The following DAB1 variants were observed in gnomAD, a reference collection of about 807,000 sequenced individuals.
The protein encoded by DAB1 is disabled homolog 1.
DAB1 carries 15 observed loss-of-function variants against 64.6 expected under a neutral mutation model. The observed-to-expected ratio is 0.23, with a 90% CI of 0.16 to 0.36. The LOEUF (loss-of-function observed/expected upper bound fraction) is 0.36. DAB1 is among the 10% of genes least tolerant of loss of function. DAB1 has a pLI of 1.00. For synonymous variants in DAB1, 235 were observed against 251.9 expected (o/e 0.93, Z 0.64); for missense variants, 596 against 706.7 (o/e 0.84, Z 1.78).
chr1:57,643,863 G>T (rs1646160345), intron 7 of DAB1, among the ~76,000 whole-genome samples: 1 of 152,292 alleles, frequency 6.6e-6, no homozygotes, highest in South Asian at 2.1e-4. Flanking sequence ...GGACTGCTCA[G>T]GTTTCAGTGG....
At chr1:58,060,576 C>CT (rs1006897047) in intron 5 of DAB1, among the ~76,000 whole-genome samples, 8 of 151,904 alleles carry the variant, frequency 5.3e-5, no homozygotes, top group Admixed American at 1.3e-4. Flanking sequence ...CCCAGGAGAT[C>CT]TTTTTTTTAC....
intron 3 of DAB1, among the ~76,000 whole-genome samples, chr1:58,432,825 G>A (rs917683009): frequency 2.0e-5 from 3 of 152,202 alleles, no homozygotes; most frequent in South Asian, 4.1e-4. Flanking sequence ...ATGGACAGAG[G>A]AGCCTACATG....
intron 5 of DAB1, among the ~76,000 whole-genome samples, chr1:57,960,501 A>AG (rs1645493070): frequency 1.3e-5 from 2 of 152,174 alleles, no homozygotes; most frequent in Admixed American, 1.3e-4. Context: ...ATTAAAAAAA[A>AG]AAAAAAGGAA....
intron 1 of DAB1, among the ~76,000 whole-genome samples, chr1:57,313,320 C>G (rs563700959): frequency 6.6e-6 from 1 of 152,330 alleles, no homozygotes; most frequent in East Asian, 1.9e-4. Flanking sequence ...ATATGACAGT[C>G]AGGGGACCTG....
intron 4 of DAB1, among the ~76,000 whole-genome samples, chr1:58,230,982 C>G (rs1659750902): frequency 6.6e-6 from 1 of 152,204 alleles, no homozygotes; most frequent in African/African-American, 2.4e-5. Context: ...ATTAATGAAG[C>G]AAGTTGCTTA....
chr1:57,502,374 C>CAAT (rs1644300891), intron 7 of DAB1, among the ~76,000 whole-genome samples: 1 of 150,024 alleles, frequency 6.7e-6, no homozygotes, highest in African/African-American at 2.4e-5. Flanking sequence ...GTAGGACAGT[C>CAAT]AATTGTGGAA....
chr1:57,663,473 G>T (rs960486402), intron 6 of DAB1, among the ~76,000 whole-genome samples: 10 of 152,182 alleles, frequency 6.6e-5, no homozygotes, highest in Admixed American at 6.5e-4. Context: ...TCTGGCCTCA[G>T]ATCATCACTT....
intron 2 of DAB1, among the ~76,000 whole-genome samples, chr1:57,198,647 T>TCA (rs576896744): frequency 0.045 from 5,017 of 112,568 alleles, 95 homozygotes; most frequent in Admixed American, 0.074. Context: ...ATCTTCTCTC[T>TCA]CTCACACACA....
chr1:57,506,092 AACTTAT>A (rs1181585713), intron 7 of DAB1, among the ~76,000 whole-genome samples: 1 of 152,182 alleles, frequency 6.6e-6, no homozygotes, highest in Non-Finnish European at 1.5e-5. Flanking sequence ...TTGGCTTGGT[AACTTAT>A]ACTTAGGGGA....
intron 4 of DAB1, among the ~76,000 whole-genome samples, chr1:58,150,836 C>G (rs1400991353): frequency 1.3e-5 from 2 of 152,212 alleles, no homozygotes; most frequent in East Asian, 3.9e-4. Context: ...TTTCCCTCCC[C>G]CCACCGTCCC....
intron 1 of DAB1, among the ~76,000 whole-genome samples, chr1:57,404,024 G>A (rs1443301241): frequency 6.6e-6 from 1 of 151,980 alleles, no homozygotes; most frequent in African/African-American, 2.4e-5. Flanking sequence ...ACACTAACCA[G>A]GAAGTCAAAC....
chr1:57,560,887 T>G (rs977971579), intron 7 of DAB1, among the ~76,000 whole-genome samples: 3 of 152,216 alleles, frequency 2.0e-5, no homozygotes, highest in African/African-American at 7.2e-5. Flanking sequence ...CTTGGCCTGT[T>G]ACTGGGCTTT....
chr1:57,258,663 C>T (rs539382288), intron 2 of DAB1, among the ~76,000 whole-genome samples: 1 of 152,304 alleles, frequency 6.6e-6, no homozygotes, highest in Admixed American at 6.5e-5. Flanking sequence ...CATCTGCTAG[C>T]CCAATTACGC....
chr1:57,991,862 A>AC (rs1423240110), intron 5 of DAB1, among the ~76,000 whole-genome samples: 9 of 147,446 alleles, frequency 6.1e-5, no homozygotes, highest in African/African-American at 1.3e-4. Context: ...AAAAAAAAAA[A>AC]AAAAAAAGGA....
At chr1:57,070,807 G>C in intron 7 of DAB1, 2 of 576,734 alleles carry the variant, frequency 3.5e-6, no homozygotes, top group South Asian at 4.0e-5. Flanking sequence ...AGGGAGAAGC[G>C]GATCTCCAAA....
chr1:57,905,069 T>C (rs1331361755), intron 5 of DAB1, among the ~76,000 whole-genome samples: 1 of 152,122 alleles, frequency 6.6e-6, no homozygotes, highest in Non-Finnish European at 1.5e-5. Context: ...TTAACTTATT[T>C]ATTGCTCACA....
In DAB1 at chr1:57,287,227, A is replaced by G. The variant is rs1304222266; in HGVS notation, c.67+3737T>C. 3.9e-5 allele frequency among the ~76,000 whole-genome samples: 6 copies of G among 152,014 alleles called. 1 individual carries two copies. The East Asian group carries it at 1.2e-3, about 29-fold the overall frequency. On this transcript the variant is annotated intron_variant, in intron 2 of 14. Transcript: ENST00000371236. ...GCTGGGACTACTGGCATGCGCCGCCATGCCTGGCCATTCTTTGCATTTTTT... is the reference window on the plus strand; with the variant it reads ...GCTGGGACTACTGGCATGCGCCGCCGTGCCTGGCCATTCTTTGCATTTTTT...
intron 11 of DAB1, among the ~76,000 whole-genome samples, chr1:57,022,236 G>A (rs1394013081): frequency 2.0e-5 from 3 of 152,098 alleles, no homozygotes; most frequent in Admixed American, 6.5e-5. Flanking sequence ...AAACAATGAG[G>A]ACAAAGCATG....
At chr1:57,611,345 C>A (rs1201062658) in intron 7 of DAB1, among the ~76,000 whole-genome samples, 1 of 152,080 alleles carries the variant, frequency 6.6e-6, no homozygotes, top group Non-Finnish European at 1.5e-5. Flanking sequence ...GTTTATTGTT[C>A]TATCACCTCC....
Sources: allele counts gnomAD v4.1 joint callset (sites outside exome capture counted in the v4.1 genomes callset), GRCh38; gene constraint gnomAD v4.1.1; transcripts MANE v1.5; gene names NCBI Gene and HGNC (gene_info 2026-07-23, HGNC 2026-07-21).